KATNAL2: variants seen among roughly 807,000 people sequenced by gnomAD.
KATNAL2 encodes katanin p60 ATPase-containing subunit A-like 2.
KATNAL2 carries 52 observed loss-of-function variants against 76.3 expected under a neutral mutation model. The observed-to-expected ratio is 0.68, with a 90% CI of 0.55 to 0.86. The LOEUF (loss-of-function observed/expected upper bound fraction) is 0.86, where lower values mean the gene tolerates loss of function less well. KATNAL2 is among the 40% of genes least tolerant of loss of function. The pLI, the probability that KATNAL2 is intolerant of heterozygous loss-of-function variation, is 0.00. For synonymous variants in KATNAL2, 243 were observed against 244.2 expected (o/e 1.00, Z 0.05); for missense variants, 660 against 668.9 (o/e 0.99, Z 0.15).
intron 11 of KATNAL2, among the ~76,000 whole-genome samples, chr18:47,068,109 C>A (rs2147188068): frequency 6.6e-6 from 1 of 152,294 alleles, no homozygotes; most frequent in East Asian, 1.9e-4. Context: ...ATTTTCAAGT[C>A]TTTTACATTT....
chr18:47,061,274 T>A (rs1163700545), intron 8 of KATNAL2, among the ~76,000 whole-genome samples: 2 of 152,184 alleles, frequency 1.3e-5, no homozygotes, highest in Non-Finnish European at 2.9e-5. Flanking sequence ...GGCACTGGGA[T>A]CTGCTCAGCT....
rs138896768 is a variant in KATNAL2 at position 47,034,109 on chromosome 18, A to T, written c.52-12348A>T. On this transcript the variant is annotated intron_variant, in intron 3 of 17. Coordinates refer to ENST00000683218, the MANE Select transcript of KATNAL2 (RefSeq NM_001387690.1). ...TTCCGCAACTGATCGTAGGTGAGGT[A>T]TTTTTCACATGACAGAGTGGGCTGC... 1,578 of 1,614,138 alleles carry T rather than the reference A, an allele frequency of 9.8e-4. 7 individuals are homozygous for T. The African/African-American group carries it at 0.01, about 11-fold the overall frequency.
chr18:46,929,791 T>A (rs1232658437), intron 1 of KATNAL2, among the ~76,000 whole-genome samples: 1 of 152,204 alleles, frequency 6.6e-6, no homozygotes, highest in African/African-American at 2.4e-5. Context: ...TTTATTTTTT[T>A]GAGACAGAGT....
intron 1 of KATNAL2, among the ~76,000 whole-genome samples, chr18:46,925,759 A>C (rs1327327128): frequency 6.6e-6 from 1 of 152,190 alleles, no homozygotes; most frequent in Non-Finnish European, 1.5e-5. Context: ...CCTCAATTTC[A>C]GAGCCTGTTA....
intron 15 of KATNAL2, 181 bp from the exon 16 acceptor site, chr18:47,099,062 C>CT: frequency 2.0e-6 from 1 of 503,674 alleles, no homozygotes; most frequent in Non-Finnish European, 3.4e-6. Flanking sequence ...CCTCAGTTCT[C>CT]TTTCTCACCA....
At chr18:46,948,904 G>GTGTGTGTA (rs1234744034) in intron 3 of KATNAL2, among the ~76,000 whole-genome samples, 82 of 151,832 alleles carry the variant, frequency 5.4e-4, no homozygotes, top group African/African-American at 1.8e-3. Flanking sequence ...GTGTGTGTGT[G>GTGTGTGTA]TGTGTGTGTG....
chr18:46,942,985 G>A (rs910869164), intron 1 of KATNAL2, among the ~76,000 whole-genome samples: 3 of 152,042 alleles, frequency 2.0e-5, no homozygotes, highest in Non-Finnish European at 2.9e-5. Flanking sequence ...ATCCTTTTGA[G>A]GTTTGTTTTA....
chr18:46,955,480 T>G (rs2059717102), intron 3 of KATNAL2, among the ~76,000 whole-genome samples: 2 of 152,002 alleles, frequency 1.3e-5, no homozygotes, highest in African/African-American at 4.8e-5. Flanking sequence ...TGCCTTGGCC[T>G]CCCAAAGTGC....
chr18:47,080,523 T>C (rs986645992), intron 15 of KATNAL2, among the ~76,000 whole-genome samples: 1 of 152,230 alleles, frequency 6.6e-6, no homozygotes, highest in Non-Finnish European at 1.5e-5. Context: ...TTTACATTCT[T>C]GTAGATTTGC....
intron 6 of KATNAL2, among the ~76,000 whole-genome samples, chr18:47,057,572 C>G (rs1015129976): frequency 4.6e-5 from 7 of 152,330 alleles, no homozygotes; most frequent in African/African-American, 1.7e-4. Flanking sequence ...CCATCTCCAT[C>G]AGAGTTAGCT....
chr18:47,067,945 G>A (rs1478430147), intron 11 of KATNAL2, among the ~76,000 whole-genome samples: 8 of 152,154 alleles, frequency 5.3e-5, no homozygotes, highest in South Asian at 2.1e-4. Context: ...CAAGCAGTAC[G>A]GCCAAGGTGT....
At chr18:47,057,126 G>C (rs777354850) in intron 6 of KATNAL2, among the ~76,000 whole-genome samples, 41 of 152,164 alleles carry the variant, frequency 2.7e-4, no homozygotes, top group Non-Finnish European at 5.4e-4. Context: ...TGGCCAAATA[G>C]TTGTGCATTT....
At chr18:47,051,197 G>T (rs1379531979) in intron 4 of KATNAL2, among the ~76,000 whole-genome samples, 2 of 152,108 alleles carry the variant, frequency 1.3e-5, no homozygotes, top group Non-Finnish European at 2.9e-5. Flanking sequence ...CCTCATTCAA[G>T]CTCAGCTCAC....
Position 46,949,211 on chromosome 18 carries a change from A to T in KATNAL2, c.51+2288A>T, listed in dbSNP as rs574232738. 3.5e-3 allele frequency among the ~76,000 whole-genome samples: 525 copies of T among 151,978 alleles called. 1 individual carries two copies. The highest frequency in any genetic ancestry group is 0.01 in the African/African-American group (425 of 41,436). On this transcript the variant is annotated intron_variant, in intron 3 of 17. Coordinates refer to ENST00000683218, the MANE Select transcript of KATNAL2 (RefSeq NM_001387690.1). ...CTGTGCCTTGCATCTTAACTTGTTT[A>T]ATGCCTAACTACTTCTCCTCCTTCT...
intron 8 of KATNAL2, 96 bp downstream of exon 8, chr18:47,059,750 T>G: frequency 1.1e-6 from 1 of 916,644 alleles, no homozygotes; most frequent in African/African-American, 1.6e-5. Flanking sequence ...AACAGGAAAG[T>G]TAAGATGTGA....
chr18:46,922,612 G>A (rs2058602191), intron 1 of KATNAL2, among the ~76,000 whole-genome samples: 1 of 151,888 alleles, frequency 6.6e-6, no homozygotes, highest in Non-Finnish European at 1.5e-5. Flanking sequence ...TGACCAACGT[G>A]GTGAAACCTC....
chr18:47,081,001 T>TC (rs2062485205), intron 15 of KATNAL2, among the ~76,000 whole-genome samples: 1 of 149,506 alleles, frequency 6.7e-6, no homozygotes, highest in Non-Finnish European at 1.5e-5. Context: ...CCTCCCTCCT[T>TC]CCTTCCCTCC....
chr18:46,954,735 C>T (rs1299858268), intron 3 of KATNAL2, among the ~76,000 whole-genome samples: 1 of 152,108 alleles, frequency 6.6e-6, no homozygotes, highest in Non-Finnish European at 1.5e-5. Context: ...CCTCTGCCTC[C>T]TGGGTTCAAG....
intron 1 of KATNAL2, among the ~76,000 whole-genome samples, chr18:46,930,660 A>G (rs1472628941): frequency 2.6e-5 from 4 of 151,752 alleles, no homozygotes; most frequent in African/African-American, 9.7e-5. Context: ...TACTGAAAAT[A>G]CAAAAATTAG....
Sources: allele counts gnomAD v4.1 joint callset (sites outside exome capture counted in the v4.1 genomes callset), GRCh38; gene constraint gnomAD v4.1.1; transcripts MANE v1.5; gene names NCBI Gene and HGNC (gene_info 2026-07-23, HGNC 2026-07-21).